AKT1: variants seen among roughly 807,000 people sequenced by gnomAD.
AKT1 encodes the protein RAC-alpha serine/threonine-protein kinase.
AKT1 carries 21 observed loss-of-function variants against 63.1 expected under a neutral mutation model. The ratio of observed to expected loss-of-function variants is 0.33; its 90% CI spans 0.24 to 0.48. AKT1 has a LOEUF of 0.48. Ranked by LOEUF, AKT1 falls within the 20% of genes least tolerant of loss-of-function variation. The pLI is 0.99. For missense variants in AKT1, 382 were observed against 666.0 expected, an observed-to-expected ratio of 0.57 and a Z score of 4.69; for synonymous variants, 257 against 253.1, an observed-to-expected ratio of 1.02 and a Z score of -0.15.
intron 3 of AKT1, among the ~76,000 whole-genome samples, chr14:104,790,278 G>C (rs1027311276): frequency 3.9e-5 from 6 of 152,150 alleles, no homozygotes; most frequent in South Asian, 2.1e-4. Flanking sequence ...GAGCAAGGCT[G>C]GGGGGGAGTG....
In AKT1 at chr14:104,777,387, C is replaced by T. The variant is rs577328340; in HGVS notation, c.176-617G>A. On this transcript the variant is annotated intron_variant, in intron 4 of 14. Coordinates refer to ENST00000649815, the MANE Select transcript of AKT1 (RefSeq NM_001382430.1). ...GAGGCAAAGCCACACCTGGGGCACA[C>T]GCACACCTGAGGCACACACCTGGGG... is the stretch of plus-strand genomic sequence containing the variant. 3.0e-4 allele frequency: 64 copies of T among 215,948 alleles called. 4 individuals carry two copies. In the South Asian group the frequency reaches 3.8e-3, roughly 13 times the overall value. The allele number at this position is 215,948 out of a possible 1,614,324, so 13.4% of individuals were successfully genotyped here.
At chr14:104,773,684 G>A (rs1892536622) in intron 9 of AKT1, 104 bp from the exon 10 acceptor site, 1 of 1,486,168 alleles carries the variant, frequency 6.7e-7, no homozygotes, top group African/African-American at 1.4e-5. Flanking sequence ...GCACAGGGAA[G>A]GGACCAGCCA....
At chr14:104,786,941 G>T (rs1384728574) in intron 3 of AKT1, among the ~76,000 whole-genome samples, 1 of 152,056 alleles carries the variant, frequency 6.6e-6, no homozygotes, top group South Asian at 2.1e-4. Context: ...CCACCTCCCC[G>T]CCAGGCCTGC....
intron 3 of AKT1, among the ~76,000 whole-genome samples, chr14:104,787,956 G>A (rs894446436): frequency 3.3e-5 from 5 of 152,296 alleles, no homozygotes; most frequent in Non-Finnish European, 5.9e-5. Flanking sequence ...TGATGCTGGC[G>A]GCCTCCACCA....
chr14:104,773,098 C>G lies in AKT1; in HGVS notation c.958-6G>C, dbSNP rs199770031. 1 of 1,613,564 alleles carries G rather than the reference C, an allele frequency of 6.2e-7. No homozygotes were observed. The highest frequency in any genetic ancestry group is 1.3e-5 in the African/African-American group (1 of 74,902). On this transcript the variant is annotated splice_region_variant and splice_polypyrimidine_tract_variant and intron_variant, in intron 11 of 14. Transcript: ENST00000649815. ...TAGTCATTGTCCTCCAGCACCTGCA[C>G]GGGTGGCAGATGGGCAGGACTCGGC...
At chr14:104,783,733 CA>C (rs990273766) in intron 3 of AKT1, among the ~76,000 whole-genome samples, 7 of 152,166 alleles carry the variant, frequency 4.6e-5, no homozygotes, top group African/African-American at 1.7e-4. Context: ...CATTCAGGCC[CA>C]GGGGGCCTCT....
In AKT1 at chr14:104,774,092, G is replaced by T. The variant is rs374171175; in HGVS notation, c.634-112C>A. On this transcript the variant is annotated intron_variant, in intron 8 of 14. Coordinates refer to ENST00000649815, the MANE Select transcript of AKT1 (RefSeq NM_001382430.1). ...CACGTCGCCTGATACCACACCGCCC[G>T]TAGCCCCACACCACACTGCCCGACA... 5 of 993,568 alleles carry T rather than the reference G, an allele frequency of 5.0e-6. No individual in the cohort carries two copies. The South Asian group carries it at 5.5e-5, about 11-fold the overall frequency. The allele number at this position is 993,568 out of a possible 1,614,324, so 61.5% of individuals were successfully genotyped here.
chr14:104,776,908 C>A, intron 4 of AKT1, 138 bp from the exon 5 acceptor site: 1 of 662,590 alleles, frequency 1.5e-6, no homozygotes, highest in Non-Finnish European at 2.6e-6. Context: ...TTCCTCTCTC[C>A]AAGCCTCAGT....
intron 3 of AKT1, among the ~76,000 whole-genome samples, chr14:104,780,953 C>T (rs1191809430): frequency 1.3e-5 from 2 of 152,188 alleles, no homozygotes; most frequent in Non-Finnish European, 2.9e-5. Context: ...AGTCCCCAGG[C>T]TGAGACCCAC....
chr14:104,781,829 C>A (rs1893064377), intron 3 of AKT1, among the ~76,000 whole-genome samples: 1 of 152,192 alleles, frequency 6.6e-6, no homozygotes, highest in African/African-American at 2.4e-5. Flanking sequence ...CCTGACACCT[C>A]TGGAGGACGG....
Position 104,774,196 on chromosome 14 carries a change from A to C in AKT1, c.634-216T>G, listed in dbSNP as rs1327613310. 80 of 495,658 alleles carry C rather than the reference A, an allele frequency of 1.6e-4. No individual in the cohort carries two copies. The Middle Eastern group carries it at 3.2e-3, about 20-fold the overall frequency. The allele number at this position is 495,658 out of a possible 1,614,324, so 30.7% of individuals were successfully genotyped here. A position where few individuals can be genotyped will look rare whatever the true frequency, so the allele number is the denominator to read the frequency against. ...CCCATCACACTGCCCCACACCATAC[A>C]CCCCCACATCACACTGCCCCCATGC... On this transcript the variant is annotated intron_variant, in intron 8 of 14. Transcript: ENST00000649815.
Position 104,773,486 on chromosome 14 carries a change from G to A in AKT1, c.797C>T (p.Ser266Leu), listed in dbSNP as rs549083521. 20 of 1,613,830 alleles carry A rather than the reference G, an allele frequency of 1.2e-5. No individual in the cohort carries two copies. Among genetic ancestry groups the A allele is most frequent in the East Asian group, 2.2e-5 (1 of 44,844 alleles). Residue 266 changes from serine to leucine, a missense_variant, in exon 10 of 15, where the codon TCG (serine) becomes TTG (leucine). This residue lies in a region of AKT1 where 226 missense variants were observed against 366.4 expected (regional missense o/e 0.62). Coordinates refer to ENST00000649815, the MANE Select transcript of AKT1 (RefSeq NM_001382430.1). ...GTCCCGGTACACCACGTTCTTCTCC[G>A]AGTGCAGGTAGTCCAGGGCTGACAC... ...EIVSALDYLH[S>L]EKNVVYRDLK...
chr14:104,783,145 C>T (rs1893153156), intron 3 of AKT1, among the ~76,000 whole-genome samples: 1 of 152,104 alleles, frequency 6.6e-6, no homozygotes, highest in Non-Finnish European at 1.5e-5. Context: ...GGTGGGAGCA[C>T]AGACACATCA....
chr14:104,780,243 A>C (rs2140950391), intron 3 of AKT1, 27 bp from the exon 4 acceptor site: 1 of 1,611,208 alleles, frequency 6.2e-7, no homozygotes, highest in Non-Finnish European at 8.5e-7. Flanking sequence ...GGTGAGAGCC[A>C]CGCACACTCT....
At chr14:104,781,092 C>G (rs1011169704) in intron 3 of AKT1, among the ~76,000 whole-genome samples, 1 of 152,268 alleles carries the variant, frequency 6.6e-6, no homozygotes, top group South Asian at 2.1e-4. Flanking sequence ...ATCAGAGCAG[C>G]TGTCCTCGGT....
chr14:104,789,035 C>G (rs578052226), intron 3 of AKT1, among the ~76,000 whole-genome samples: 1 of 152,372 alleles, frequency 6.6e-6, no homozygotes, highest in Non-Finnish European at 1.5e-5. Flanking sequence ...GCGCCCCAGG[C>G]AGCTTCCCTC....
At chr14:104,772,587 C>T (rs1892455742) in intron 12 of AKT1, 135 bp from the exon 13 acceptor site, 3 of 869,136 alleles carry the variant, frequency 3.5e-6, no homozygotes, top group South Asian at 3.2e-5. Context: ...GGTGGTGCAG[C>T]GTCCCTGAGC....
At chr14:104,788,404 C>T (rs1454850068) in intron 3 of AKT1, among the ~76,000 whole-genome samples, 1 of 152,224 alleles carries the variant, frequency 6.6e-6, no homozygotes, top group Non-Finnish European at 1.5e-5. Context: ...ACAATTAGCC[C>T]TGCGGGGCCC....
At chr14:104,770,908 A>G in intron 13 of AKT1, 61 bp from the exon 14 acceptor site, 1 of 1,443,292 alleles carries the variant, frequency 6.9e-7, no homozygotes, top group Non-Finnish European at 9.6e-7. Context: ...GCACACCCTC[A>G]AGTGTGCTCA....
Sources: gnomAD v4.1 joint callset for allele counts (sites outside exome capture counted in the v4.1 genomes callset) on GRCh38, gnomAD v4.1.1 for gene constraint, gnomAD v4.1.1 regional missense constraint, MANE v1.5 for transcripts, NCBI Gene and HGNC (gene_info 2026-07-23, HGNC 2026-07-21) for gene names.